ADGRB3: variants seen among roughly 807,000 people sequenced by gnomAD.
ADGRB3 encodes adhesion G protein-coupled receptor B3.
ADGRB3 carries 37 observed loss-of-function variants against 193.4 expected under a neutral mutation model. The ratio of observed to expected loss-of-function variants is 0.19; its 90% confidence interval spans 0.15 to 0.25. The LOEUF (loss-of-function observed/expected upper bound fraction) is 0.25, where lower values mean the gene tolerates loss of function less well. Among genes scored for constraint, ADGRB3 ranks in the 10% least tolerant of loss-of-function variants. The pLI is 1.00. For synonymous variants in ADGRB3, 690 were observed against 644.2 expected (o/e 1.07, Z -1.08); for missense variants, 1,637 against 1,852.9 (o/e 0.88, Z 2.14).
intron 3 of ADGRB3, among the ~76,000 whole-genome samples, chr6:68,828,433 T>C (rs1165076454): frequency 6.6e-6 from 1 of 152,168 alleles, no homozygotes; most frequent in East Asian, 1.9e-4. Flanking sequence ...TTAATGGTGA[T>C]TCTATAGCTT....
intron 3 of ADGRB3, among the ~76,000 whole-genome samples, chr6:68,819,357 A>G (rs1297866727): frequency 6.6e-6 from 1 of 151,768 alleles, no homozygotes; most frequent in African/African-American, 2.4e-5. Context: ...CACCATACAC[A>G]TGTTCTTGAA....
At chr6:68,860,003 A>T (rs1765108407) in intron 3 of ADGRB3, among the ~76,000 whole-genome samples, 1 of 152,198 alleles carries the variant, frequency 6.6e-6, no homozygotes, top group South Asian at 2.1e-4. Flanking sequence ...TAGGTATTTT[A>T]TGAAAAATAA....
At chr6:68,861,669 C>T (rs1431752129) in intron 3 of ADGRB3, among the ~76,000 whole-genome samples, 1 of 152,168 alleles carries the variant, frequency 6.6e-6, no homozygotes, top group Non-Finnish European at 1.5e-5. Flanking sequence ...GCAAAATTAA[C>T]TGCCTTCAGT....
At chr6:69,354,090 A>T in intron 26 of ADGRB3, 143 bp from the exon 27 acceptor site, 6 of 528,058 alleles carry the variant, frequency 1.1e-5, no homozygotes, top group Admixed American at 3.0e-5. Context: ...AATAATAATA[A>T]GTTTTTTTAA....
chr6:69,054,259 C>T (rs7758515), intron 15 of ADGRB3, among the ~76,000 whole-genome samples: 124 of 152,218 alleles, frequency 8.1e-4, no homozygotes, highest in African/African-American at 2.9e-3. Context: ...GTCAAGTACA[C>T]TAACCTAATT....
At chr6:68,702,792 G>T (rs556738499) in intron 3 of ADGRB3, among the ~76,000 whole-genome samples, 1 of 152,164 alleles carries the variant, frequency 6.6e-6, no homozygotes, top group East Asian at 1.9e-4. Flanking sequence ...TGGTCTTTTG[G>T]AACCACTCAC....
intron 3 of ADGRB3, among the ~76,000 whole-genome samples, chr6:68,816,990 C>A (rs1767642653): frequency 6.6e-6 from 1 of 151,814 alleles, no homozygotes; most frequent in South Asian, 2.1e-4. Context: ...AAGCCAACCC[C>A]CAGGTTTAAT....
chr6:68,731,747 A>G (rs1562008795), intron 3 of ADGRB3, among the ~76,000 whole-genome samples: 1 of 151,638 alleles, frequency 6.6e-6, no homozygotes, highest in Non-Finnish European at 1.5e-5. Flanking sequence ...GTGTAAGATT[A>G]TATTTCACTC....
Position 69,048,358 on chromosome 6 carries a change from C to T in ADGRB3, c.2257+24C>T, listed in dbSNP as rs1489665462. On this transcript the variant is annotated intron_variant, in intron 14 of 31. Coordinates refer to ENST00000370598, the MANE Select transcript of ADGRB3 (RefSeq NM_001704.3). ...AGGTAAATATCTGAAATAATATGAG[C>T]TTGAACAAGACATTTTTGATAAGGT... The T allele has an allele frequency of 6.9e-6, 11 of 1,599,784 alleles. No homozygotes were observed. In the East Asian group the frequency reaches 2.2e-4, roughly 33 times the overall value.
At chr6:68,994,078 A>C in intron 11 of ADGRB3, 116 bp downstream of exon 11, 1 of 834,114 alleles carries the variant, frequency 1.2e-6, no homozygotes, top group Non-Finnish European at 1.9e-6. Flanking sequence ...TGCTCATCCA[A>C]GTTATGCTTA....
At chr6:68,770,545 G>A (rs1766598626) in intron 3 of ADGRB3, among the ~76,000 whole-genome samples, 1 of 152,058 alleles carries the variant, frequency 6.6e-6, no homozygotes, top group Non-Finnish European at 1.5e-5. Context: ...ACTCAAATGG[G>A]TTGGTGATTA....
intron 29 of ADGRB3, among the ~76,000 whole-genome samples, chr6:69,368,602 A>C (rs772165365): frequency 2.0e-5 from 3 of 152,140 alleles, no homozygotes; most frequent in Non-Finnish European, 4.4e-5. Flanking sequence ...AGAAGAGAAT[A>C]AGAGAAAGAA....
At chr6:69,133,108 G>A (rs1164275116) in intron 17 of ADGRB3, among the ~76,000 whole-genome samples, 1 of 152,092 alleles carries the variant, frequency 6.6e-6, no homozygotes, top group African/African-American at 2.4e-5. Flanking sequence ...TAGCTATGCA[G>A]GCTCTTTTTT....
At position 68,689,860 on chromosome 6, in the gene ADGRB3, G is replaced by C. The variant is rs746284928; in HGVS notation, c.757+50428G>C. On this transcript the variant is annotated intron_variant, in intron 3 of 31. Transcript: ENST00000370598. ...CCAAATACCTTATTCTGAAACAAAAGTTCAGAACAGTTTTCTTGACCCCAA... is the reference window on the plus strand; with the variant it reads ...CCAAATACCTTATTCTGAAACAAAACTTCAGAACAGTTTTCTTGACCCCAA... 2.0e-5 allele frequency among the ~76,000 whole-genome samples: 3 copies of C among 152,132 alleles called. No individual in the cohort carries two copies. The East Asian group carries it at 5.8e-4, about 29-fold the overall frequency.
chr6:69,236,720 G>T (rs1274814866), intron 19 of ADGRB3, among the ~76,000 whole-genome samples: 1 of 151,936 alleles, frequency 6.6e-6, no homozygotes, highest in Non-Finnish European at 1.5e-5. Flanking sequence ...ACTAACACTA[G>T]CATATACATT....
intron 28 of ADGRB3, 24 bp downstream of exon 28, chr6:69,355,884 T>A (rs758807939): frequency 5.1e-6 from 8 of 1,566,328 alleles, no homozygotes; most frequent in Non-Finnish European, 7.0e-6. Context: ...GATTTTGAAA[T>A]CTAATCAGTA....
chr6:68,657,616 A>C (rs1478114791), intron 3 of ADGRB3, among the ~76,000 whole-genome samples: 2 of 151,406 alleles, frequency 1.3e-5, no homozygotes, highest in Non-Finnish European at 3.0e-5. Context: ...CAGCAAATTT[A>C]GTAGATAAAC....
rs527750551 is a variant in ADGRB3, at chr6:69,294,786, G to C, written c.2815-30086G>C. ...TTTTTTTTGTTGTTGTTGTTTGTTT[G>C]TTTCCTGGAAGGTGAAACAGTTTGA... is the stretch of plus-strand genomic sequence containing the variant. On this transcript the variant is annotated intron_variant, in intron 20 of 31. Transcript: ENST00000370598. Among the ~76,000 whole-genome samples the C allele has an allele frequency of 2.0e-5, 3 of 152,068 alleles. No homozygotes were observed. In the East Asian group the frequency reaches 5.8e-4, roughly 29 times the overall value.
chr6:68,968,984 T>G (rs1296008539), intron 8 of ADGRB3, among the ~76,000 whole-genome samples: 1 of 152,146 alleles, frequency 6.6e-6, no homozygotes, highest in Non-Finnish European at 1.5e-5. Flanking sequence ...TATAAAACAT[T>G]TCTATCATTG....
Sources: allele counts gnomAD v4.1 joint callset (sites outside exome capture counted in the v4.1 genomes callset), GRCh38; gene constraint gnomAD v4.1.1; transcripts MANE v1.5; gene names NCBI Gene and HGNC (gene_info 2026-07-23, HGNC 2026-07-21).